The following RALGPS2 variants were observed in gnomAD, a reference collection of about 807,000 sequenced individuals.
RALGPS2 encodes the protein Ral GEF with PH domain and SH3 binding motif 2, also known as ras-specific guanine nucleotide-releasing factor RalGPS2.
RALGPS2 carries 43 observed loss-of-function variants against 86.8 expected under a neutral mutation model. The ratio of observed to expected loss-of-function variants is 0.50; its 90% CI spans 0.39 to 0.64. The LOEUF (loss-of-function observed/expected upper bound fraction) is 0.64, where lower values mean the gene tolerates loss of function less well. Ranked by LOEUF, RALGPS2 falls within the 30% of genes least tolerant of loss-of-function variation. RALGPS2 has a pLI of 0.00. For missense variants in RALGPS2, 536 were observed against 694.6 expected, an observed-to-expected ratio of 0.77 and a Z score of 2.57; for synonymous variants, 243 against 231.3, an observed-to-expected ratio of 1.05 and a Z score of -0.46.
At chr1:178,873,014 A>T (rs1300172018) in intron 8 of RALGPS2, among the ~76,000 whole-genome samples, 1 of 152,168 alleles carries the variant, frequency 6.6e-6, no homozygotes, top group African/African-American at 2.4e-5. Context: ...TACAAGAAAC[A>T]TGAGGAAAAA....
At chr1:178,868,207 A>G (rs1017469401) in intron 8 of RALGPS2, among the ~76,000 whole-genome samples, 3 of 151,940 alleles carry the variant, frequency 2.0e-5, no homozygotes, top group Admixed American at 6.6e-5. Context: ...GACTTTTACT[A>G]TGTAGGAGTT....
At chr1:178,803,646 T>C (rs1185601638) in intron 4 of RALGPS2, among the ~76,000 whole-genome samples, 1 of 152,168 alleles carries the variant, frequency 6.6e-6, no homozygotes, top group African/African-American at 2.4e-5. Flanking sequence ...GCTAGGCTAA[T>C]TGAATATCCA....
chr1:178,728,706 A>T (rs1229301922), intron 1 of RALGPS2, among the ~76,000 whole-genome samples: 1 of 152,136 alleles, frequency 6.6e-6, no homozygotes, highest in African/African-American at 2.4e-5. Context: ...ATGTGTCTTA[A>T]ATTTCCTATT....
intron 6 of RALGPS2, among the ~76,000 whole-genome samples, chr1:178,821,264 A>G (rs1655490368): frequency 2.6e-5 from 4 of 152,220 alleles, no homozygotes; most frequent in South Asian, 4.1e-4. Flanking sequence ...GCAGAGGCTT[A>G]GTAATAGTTC....
chr1:178,785,511 T>C, intron 3 of RALGPS2, 46 bp from the exon 4 acceptor site: 1 of 1,542,622 alleles, frequency 6.5e-7, no homozygotes, highest in Non-Finnish European at 8.7e-7. Context: ...CATGTTATGG[T>C]ATAGAATTCC....
At chr1:178,830,298 T>C (rs1655956959) in intron 7 of RALGPS2, among the ~76,000 whole-genome samples, 1 of 152,124 alleles carries the variant, frequency 6.6e-6, no homozygotes, top group African/African-American at 2.4e-5. Context: ...ACAATGGGAA[T>C]TGGGGAGATA....
chr1:178,744,472 T>C (rs996425231), intron 1 of RALGPS2, among the ~76,000 whole-genome samples: 3 of 152,188 alleles, frequency 2.0e-5, no homozygotes, highest in East Asian at 3.9e-4. Context: ...TCACCACTTC[T>C]GTTTCACAGT....
intron 19 of RALGPS2, among the ~76,000 whole-genome samples, chr1:178,912,383 G>A (rs1660660031): frequency 6.6e-6 from 1 of 152,158 alleles, no homozygotes; most frequent in South Asian, 2.1e-4. Context: ...CAAGTCTGAT[G>A]ATAGTGAATT....
intron 8 of RALGPS2, among the ~76,000 whole-genome samples, chr1:178,875,016 C>A (rs1031478029): frequency 6.6e-6 from 1 of 152,004 alleles, no homozygotes; most frequent in African/African-American, 2.4e-5. Flanking sequence ...AAAAATGTGT[C>A]AAGGGAGAAT....
intron 4 of RALGPS2, among the ~76,000 whole-genome samples, chr1:178,785,895 T>G (rs1653627436): frequency 6.6e-6 from 1 of 152,014 alleles, no homozygotes; most frequent in African/African-American, 2.4e-5. Flanking sequence ...CCTGCAAACT[T>G]AACTTCAAAT....
chr1:178,770,507 CTTTT>C (rs747336558), intron 1 of RALGPS2, among the ~76,000 whole-genome samples: 2,009 of 136,192 alleles, frequency 0.015, 43 homozygotes, highest in African/African-American at 0.05. Flanking sequence ...ATACTTCATA[CTTTT>C]TTTTTTTTTT....
intron 4 of RALGPS2, among the ~76,000 whole-genome samples, chr1:178,795,951 A>G (rs573614601): frequency 6.6e-6 from 1 of 152,348 alleles, no homozygotes; most frequent in South Asian, 2.1e-4. Flanking sequence ...TGAAGAAAGC[A>G]AAGAAGACTT....
intron 7 of RALGPS2, among the ~76,000 whole-genome samples, chr1:178,830,775 G>T (rs1038766009): frequency 1.3e-5 from 2 of 152,058 alleles, no homozygotes; most frequent in Non-Finnish European, 2.9e-5. Flanking sequence ...AAGAATTTCT[G>T]TTCATCAAAA....
Position 178,776,732 on chromosome 1 carries a change from G to C in RALGPS2, c.-33G>C. On this transcript the variant is annotated 5_prime_UTR_variant, in exon 2 of 20. Transcript: ENST00000367635. ...ATGAGGCAGTCAGTCCTCTGTTGCT[G>C]TTAACATAAGGTCAGGGACTGATGA... 1 of 1,566,938 alleles carries C rather than the reference G, an allele frequency of 6.4e-7. No homozygotes were observed.
intron 19 of RALGPS2, among the ~76,000 whole-genome samples, chr1:178,910,167 AC>A (rs1660568746): frequency 1.3e-5 from 2 of 152,198 alleles, no homozygotes; most frequent in Non-Finnish European, 2.9e-5. Flanking sequence ...TGGGTCAGAG[AC>A]TATGGGGTTT....
At chr1:178,891,467 C>CT (rs901517644) in intron 14 of RALGPS2, among the ~76,000 whole-genome samples, 3 of 152,004 alleles carry the variant, frequency 2.0e-5, no homozygotes, top group Admixed American at 2.0e-4. Context: ...ACATTGTTGT[C>CT]TTTTTTTCTA....
chr1:178,772,929 G>T (rs1435509305), intron 1 of RALGPS2, among the ~76,000 whole-genome samples: 1 of 152,118 alleles, frequency 6.6e-6, no homozygotes, highest in East Asian at 1.9e-4. Flanking sequence ...AGCCTCCCAA[G>T]AAGCTGGGAT....
intron 16 of RALGPS2, among the ~76,000 whole-genome samples, chr1:178,894,772 A>G (rs1303382086): frequency 2.6e-5 from 4 of 152,060 alleles, no homozygotes; most frequent in Admixed American, 6.6e-5. Context: ...ATGTTATTAT[A>G]TGTGCCATAT....
Position 178,863,732 on chromosome 1 carries a change from T to C in RALGPS2, c.608-13766T>C, listed in dbSNP as rs562859526. On this transcript the variant is annotated intron_variant, in intron 8 of 19. Transcript: ENST00000367635. ...AAAGTAGAATATCTTGAAGAAAGAC[T>C]TTAAGGCATAGAAGGAAGAAGATGC... is the stretch of plus-strand genomic sequence containing the variant. Among the ~76,000 whole-genome samples the C allele has an allele frequency of 6.6e-5, 10 of 152,194 alleles. No homozygotes were observed. The South Asian group carries it at 1.5e-3, about 22-fold the overall frequency.
Sources: allele counts gnomAD v4.1 joint callset (sites outside exome capture counted in the v4.1 genomes callset), GRCh38; gene constraint gnomAD v4.1.1; transcripts MANE v1.5; gene names NCBI Gene and HGNC (gene_info 2026-07-23, HGNC 2026-07-21).